GALNTL6: variants seen among roughly 807,000 people sequenced by gnomAD.
GALNTL6 encodes polypeptide N-acetylgalactosaminyltransferase-like 6.
A neutral mutation model predicts 73.7 loss-of-function variants in GALNTL6; 46 were observed. That is an observed-to-expected ratio of 0.62 (90% CI 0.49 to 0.80). GALNTL6 has a LOEUF of 0.80. Among genes scored for constraint, GALNTL6 ranks in the 30% least tolerant of loss-of-function variants. The pLI, the probability that GALNTL6 is intolerant of heterozygous loss-of-function variation, is 0.00. For missense variants in GALNTL6, 604 were observed against 755.0 expected, an observed-to-expected ratio of 0.80 and a Z score of 2.34; for synonymous variants, 259 against 263.7, an observed-to-expected ratio of 0.98 and a Z score of 0.17.
rs7668538 is a variant in GALNTL6 at position 172,380,414 on chromosome 4, G to A, written c.553+31725G>A. ...ATGGATGTTGCTCTCATATGGTTCT[G>A]CTTTGAGGCCAGGAACTGGTTCTGC... On this transcript the variant is annotated intron_variant, in intron 5 of 12. Transcript: ENST00000506823. 14 of 587,918 alleles carry A rather than the reference G, an allele frequency of 2.4e-5. No individual in the cohort carries two copies. The African/African-American group carries it at 2.4e-4, about 10-fold the overall frequency. 36.4% of individuals were successfully genotyped at this position (587,918 alleles called of 1,614,324 possible). A position where few individuals can be genotyped will look rare whatever the true frequency, so the allele number is the denominator to read the frequency against.
intron 2 of GALNTL6, among the ~76,000 whole-genome samples, chr4:171,874,297 G>A (rs539123910): frequency 1.3e-5 from 2 of 152,246 alleles, no homozygotes; most frequent in Admixed American, 1.3e-4. Context: ...CCGCCTCCCA[G>A]GTTCAAGTGA....
intron 3 of GALNTL6, among the ~76,000 whole-genome samples, chr4:172,233,661 A>G (rs957519460): frequency 1.3e-5 from 2 of 152,030 alleles, no homozygotes; most frequent in Admixed American, 1.3e-4. Flanking sequence ...CTAATGTACT[A>G]TATCTTTATT....
chr4:171,911,048 T>C (rs1223148898), intron 2 of GALNTL6, among the ~76,000 whole-genome samples: 2 of 152,226 alleles, frequency 1.3e-5, no homozygotes, highest in African/African-American at 4.8e-5. Flanking sequence ...GAGTCACTAA[T>C]ACCTCTGTTA....
rs146626240 is a variant in GALNTL6 at position 172,928,257 on chromosome 4, A to G, written c.1042-2904A>G. ...TAATCTATAGATACAATATCAATTA[A>G]ACACGTGGACACTGAAGTTAGACTA... On this transcript the variant is annotated intron_variant, in intron 8 of 12. Transcript: ENST00000506823. Among the ~76,000 whole-genome samples the G allele has an allele frequency of 5.1e-3, 771 of 152,316 alleles. 3 individuals are homozygous for G. Among genetic ancestry groups the G allele is most frequent in the African/African-American group, 0.018 (737 of 41,570 alleles).
At chr4:172,448,582 CCA>C (rs1322929790) in intron 5 of GALNTL6, among the ~76,000 whole-genome samples, 1 of 152,186 alleles carries the variant, frequency 6.6e-6, no homozygotes, top group Non-Finnish European at 1.5e-5. Flanking sequence ...AAACCAACAT[CCA>C]CACAGTCTAC....
At chr4:172,883,313 A>G (rs1320490589) in intron 8 of GALNTL6, among the ~76,000 whole-genome samples, 2 of 152,174 alleles carry the variant, frequency 1.3e-5, no homozygotes, top group Non-Finnish European at 2.9e-5. Context: ...TTGCATTGCT[A>G]TAAAGAAATA....
intron 5 of GALNTL6, among the ~76,000 whole-genome samples, chr4:172,790,668 G>A (rs1293550146): frequency 7.1e-6 from 1 of 141,174 alleles, no homozygotes; most frequent in Non-Finnish European, 1.5e-5. Flanking sequence ...GAGGCAGGCG[G>A]GATCACGAGG....
intron 2 of GALNTL6, among the ~76,000 whole-genome samples, chr4:172,028,504 TC>T (rs562480518): frequency 6.6e-6 from 1 of 152,188 alleles, no homozygotes; most frequent in Non-Finnish European, 1.5e-5. Context: ...TAGGTTGGAT[TC>T]CTACACAAAA....
intron 8 of GALNTL6, among the ~76,000 whole-genome samples, chr4:172,894,588 G>A (rs183552123): frequency 1.3e-3 from 193 of 152,066 alleles, no homozygotes; most frequent in African/African-American, 4.1e-3. Flanking sequence ...CTTGTTTTGC[G>A]GCCTAACATA....
intron 2 of GALNTL6, among the ~76,000 whole-genome samples, chr4:172,195,113 C>A (rs1735716492): frequency 6.6e-6 from 1 of 151,808 alleles, no homozygotes; most frequent in Non-Finnish European, 1.5e-5. Context: ...ATTTACCAAG[C>A]AAATGGAAAG....
chr4:172,020,898 C>A (rs920959872), intron 2 of GALNTL6, among the ~76,000 whole-genome samples: 1 of 151,954 alleles, frequency 6.6e-6, no homozygotes, highest in African/African-American at 2.4e-5. Context: ...ATGCAAAAGT[C>A]CTCAACAAAA....
chr4:172,472,439 G>T (rs1733086368), intron 5 of GALNTL6, among the ~76,000 whole-genome samples: 4 of 152,096 alleles, frequency 2.6e-5, no homozygotes. Context: ...TATGGAAGAG[G>T]AAACTGAGCT....
At chr4:171,823,239 G>A (rs200445376) in intron 2 of GALNTL6, among the ~76,000 whole-genome samples, 6 of 151,894 alleles carry the variant, frequency 4.0e-5, no homozygotes, top group African/African-American at 1.2e-4. Context: ...TTTTTAAGAC[G>A]GATAATGGAT....
chr4:172,236,027 A>C (rs1737228789), intron 3 of GALNTL6, among the ~76,000 whole-genome samples: 1 of 152,184 alleles, frequency 6.6e-6, no homozygotes, highest in South Asian at 2.1e-4. Flanking sequence ...TGGTATACTT[A>C]AAAATAAATT....
intron 5 of GALNTL6, among the ~76,000 whole-genome samples, chr4:172,450,468 T>A (rs967278107): frequency 2.0e-5 from 3 of 152,200 alleles, no homozygotes; most frequent in Admixed American, 1.3e-4. Context: ...TGTAACAGCA[T>A]CACAATTTAA....
At chr4:172,224,165 A>G (rs907167647) in intron 2 of GALNTL6, among the ~76,000 whole-genome samples, 2 of 152,212 alleles carry the variant, frequency 1.3e-5, no homozygotes, top group Non-Finnish European at 2.9e-5. Context: ...TCAAGTTTTG[A>G]TAAACCAAGG....
Position 172,934,104 on chromosome 4 carries a change from A to G in GALNTL6, c.1149+2836A>G, listed in dbSNP as rs148815975. 3.5e-3 allele frequency among the ~76,000 whole-genome samples: 537 copies of G among 152,302 alleles called. 4 individuals are homozygous for G. The highest frequency in any genetic ancestry group is 0.012 in the African/African-American group (507 of 41,564). ...AAAAGACAGGATATCCATATATGAA[A>G]CCATTAGAGGACAGTACAAGGCAAG... On this transcript the variant is annotated intron_variant, in intron 9 of 12. Coordinates refer to ENST00000506823, the MANE Select transcript of GALNTL6 (RefSeq NM_001034845.3).
intron 7 of GALNTL6, among the ~76,000 whole-genome samples, chr4:172,861,247 T>C (rs1744375680): frequency 6.6e-6 from 1 of 152,094 alleles, no homozygotes; most frequent in Non-Finnish European, 1.5e-5. Flanking sequence ...ATCAGTAGGT[T>C]ATGCCTAAAC....
At chr4:171,965,413 T>G (rs1739355733) in intron 2 of GALNTL6, among the ~76,000 whole-genome samples, 1 of 151,956 alleles carries the variant, frequency 6.6e-6, no homozygotes, top group South Asian at 2.1e-4. Context: ...TCCCAGCACT[T>G]TGGGAAACCG....
Sources: allele counts gnomAD v4.1 joint callset (sites outside exome capture counted in the v4.1 genomes callset), GRCh38; gene constraint gnomAD v4.1.1; transcripts MANE v1.5; gene names NCBI Gene and HGNC (gene_info 2026-07-23, HGNC 2026-07-21).